The following CFTR variants were observed in gnomAD, a reference collection of about 807,000 sequenced individuals.
CFTR encodes the protein CF transmembrane conductance regulator.
CFTR carries 181 observed loss-of-function variants against 171.6 expected under a neutral mutation model. That is an observed-to-expected ratio of 1.05 (90% CI 0.93 to 1.19). The LOEUF (loss-of-function observed/expected upper bound fraction) is 1.19, where lower values mean the gene tolerates loss of function less well. Among genes scored for constraint, CFTR ranks in the 50% most tolerant of loss-of-function variants. CFTR has a pLI of 0.00. For missense variants in CFTR, 1,968 were observed against 1,734.7 expected (o/e 1.13, Z -2.39); for synonymous variants, 583 against 608.0 (o/e 0.96, Z 0.60).
At chr7:117,566,491 A>C (rs991550393) in intron 11 of CFTR, among the ~76,000 whole-genome samples, 15 of 152,092 alleles carry the variant, frequency 9.9e-5, no homozygotes, top group African/African-American at 3.4e-4. Context: ...TTAAACAAGA[A>C]TAAACATCAC....
At position 117,540,347 on chromosome 7, in the gene CFTR, G is replaced by A. The variant is rs397508158; in HGVS notation, c.1116+1G>A. On this transcript the variant is annotated splice_donor_variant, in intron 8 of 26. Coordinates refer to ENST00000003084, the MANE Select transcript of CFTR (RefSeq NM_000492.4). LOFTEE classifies it high-confidence loss of function. ...TCTTGGAGCAATAAACAAAATACAG[G>A]TAATGTACCATAATGCTGCATTATA... is the stretch of plus-strand genomic sequence containing the variant. 6 of 1,612,602 alleles carry A rather than the reference G, an allele frequency of 3.7e-6. No individual in the cohort carries two copies. The highest frequency in any genetic ancestry group is 3.3e-5 in the Admixed American group (2 of 59,980).
In CFTR at chr7:117,611,677, A is replaced by G. The variant is rs397508519; in HGVS notation, c.3236A>G (p.His1079Arg). 1 of 1,613,484 alleles carries G rather than the reference A, an allele frequency of 6.2e-7. No individual in the cohort carries two copies. Among genetic ancestry groups the G allele is most frequent in the South Asian group, 1.1e-5 (1 of 91,064 alleles). Reference protein sequence around the residue: ...GRQPYFETLFHKALNLHTANW... With the variant: ...GRQPYFETLFRKALNLHTANW... ...CAGCCTTACTTTGAAACTCTGTTCCACAAAGCTCTGAATTTACATACTGCC... is the reference window on the plus strand; with the variant it reads ...CAGCCTTACTTTGAAACTCTGTTCCGCAAAGCTCTGAATTTACATACTGCC... The change falls in exon 20 of 27, where the codon CAC becomes CGC. Residue 1079 changes from histidine (H) to arginine (R), a missense_variant. By Grantham distance (29) the His-to-Arg change is conservative (BLOSUM62 0). Coordinates refer to ENST00000003084, the MANE Select transcript of CFTR (RefSeq NM_000492.4).
chr7:117,656,800 C>T (rs1045529467), intron 24 of CFTR, among the ~76,000 whole-genome samples: 1 of 152,124 alleles, frequency 6.6e-6, no homozygotes, highest in Non-Finnish European at 1.5e-5. Context: ...CCACTATTAG[C>T]GCTTTTGGTC....
chr7:117,660,421 CA>C (rs1793254213), intron 24 of CFTR, among the ~76,000 whole-genome samples: 1 of 152,016 alleles, frequency 6.6e-6, no homozygotes, highest in Admixed American at 6.6e-5. Context: ...CACCTGAGGT[CA>C]GGAGTTCAAG....
intron 3 of CFTR, among the ~76,000 whole-genome samples, chr7:117,522,883 TAAAG>T (rs1000668002): frequency 1.3e-5 from 2 of 152,160 alleles, no homozygotes; most frequent in African/African-American, 4.8e-5. Flanking sequence ...TTGTAAATAT[TAAAG>T]AACATGATGC....
intron 4 of CFTR, among the ~76,000 whole-genome samples, chr7:117,531,881 C>T (rs1798872166): frequency 6.6e-6 from 1 of 152,024 alleles, no homozygotes; most frequent in Admixed American, 6.6e-5. Context: ...ATTGCTTTAC[C>T]CTTCTTCTCT....
At chr7:117,649,831 G>A (rs7808474) in intron 23 of CFTR, among the ~76,000 whole-genome samples, 2,169 of 152,114 alleles carry the variant, frequency 0.014, 37 homozygotes, top group African/African-American at 0.031. Context: ...AGTATTATGA[G>A]ACCATATGTT....
At chr7:117,617,505 T>G (rs1792510152) in intron 21 of CFTR, among the ~76,000 whole-genome samples, 1 of 152,138 alleles carries the variant, frequency 6.6e-6, no homozygotes, top group African/African-American at 2.4e-5. Context: ...TTTTCCCACC[T>G]TCTTCTTCCT....
intron 9 of CFTR, among the ~76,000 whole-genome samples, chr7:117,542,552 G>GA (rs971815448): frequency 1.8e-3 from 257 of 146,426 alleles, no homozygotes; most frequent in African/African-American, 5.3e-3. Flanking sequence ...GTCTGAAAAA[G>GA]AAAAAAAAAT....
intron 14 of CFTR, among the ~76,000 whole-genome samples, chr7:117,593,116 A>G (rs1034057127): frequency 6.6e-6 from 1 of 152,188 alleles, no homozygotes; most frequent in East Asian, 1.9e-4. Flanking sequence ...TCTGGTTTGT[A>G]TATCAGTCTT....
At chr7:117,518,538 CAT>C (rs1798635295) in intron 3 of CFTR, among the ~76,000 whole-genome samples, 1 of 145,234 alleles carries the variant, frequency 6.9e-6, no homozygotes, top group African/African-American at 2.6e-5. Context: ...TATATATAAA[CAT>C]ATATACATAT....
chr7:117,480,215 T>C (rs2116604896), intron 1 of CFTR, 68 bp downstream of exon 1: 1 of 1,457,010 alleles, frequency 6.9e-7, no homozygotes, highest in Non-Finnish European at 9.6e-7. Flanking sequence ...TGTGTATGGG[T>C]TGGGTTTGGG....
chr7:117,513,585 TA>T (rs1036939743), intron 3 of CFTR, among the ~76,000 whole-genome samples: 1 of 152,124 alleles, frequency 6.6e-6, no homozygotes, highest in African/African-American at 2.4e-5. Flanking sequence ...GTGAATGAAA[TA>T]TATGTGGGGG....
intron 24 of CFTR, among the ~76,000 whole-genome samples, chr7:117,656,555 A>G (rs1793186625): frequency 6.6e-6 from 1 of 152,216 alleles, no homozygotes; most frequent in Non-Finnish European, 1.5e-5. Context: ...AGCATTATAC[A>G]GAGGAATTTG....
chr7:117,515,133 G>C (rs1798578551), intron 3 of CFTR, among the ~76,000 whole-genome samples: 1 of 152,028 alleles, frequency 6.6e-6, no homozygotes, highest in South Asian at 2.1e-4. Context: ...TTCTTTTGCT[G>C]TGCAGAAGCT....
Position 117,616,898 on chromosome 7 carries a change from C to T in CFTR, c.3468+2185C>T, listed in dbSNP as rs77552260. Among the ~76,000 whole-genome samples the T allele has an allele frequency of 1.7e-3, 263 of 152,202 alleles. No homozygotes were observed. The highest frequency in any genetic ancestry group is 5.9e-3 in the African/African-American group (247 of 41,546). ...TGGGCATTTATCTGGTTAATGATTC[C>T]CATCATAGTGCTGTCACCCATGCCA... On this transcript the variant is annotated intron_variant, in intron 21 of 26. Transcript: ENST00000003084.
At chr7:117,560,488 G>GA (rs1325857824) in intron 11 of CFTR, among the ~76,000 whole-genome samples, 2 of 151,954 alleles carry the variant, frequency 1.3e-5, no homozygotes, top group South Asian at 2.1e-4. Context: ...AATCTTTTAT[G>GA]AAAAAAATTG....
intron 21 of CFTR, among the ~76,000 whole-genome samples, chr7:117,624,955 G>A (rs1792630275): frequency 6.6e-6 from 1 of 152,142 alleles, no homozygotes; most frequent in Non-Finnish European, 1.5e-5. Context: ...GGTACTGGAG[G>A]TAGAATATCC....
intron 24 of CFTR, among the ~76,000 whole-genome samples, chr7:117,660,925 G>T (rs556145502): frequency 6.6e-6 from 1 of 151,898 alleles, no homozygotes; most frequent in East Asian, 1.9e-4. Context: ...TTGAATCTGG[G>T]GTCTGTCAGA....
Sources: allele counts gnomAD v4.1 joint callset (sites outside exome capture counted in the v4.1 genomes callset), GRCh38; gene constraint gnomAD v4.1.1; transcripts MANE v1.5; gene names NCBI Gene and HGNC (gene_info 2026-07-23, HGNC 2026-07-21).